LRRTM4: variants seen among roughly 807,000 people sequenced by gnomAD.
LRRTM4 encodes leucine-rich repeat transmembrane neuronal protein 4.
In LRRTM4, 25 loss-of-function variants were observed where a neutral mutation model predicts 47.6. The ratio of observed to expected loss-of-function variants is 0.53; its 90% CI spans 0.38 to 0.73. The LOEUF (loss-of-function observed/expected upper bound fraction) is 0.73, where lower values mean the gene tolerates loss of function less well. LRRTM4 is among the 30% of genes least tolerant of loss of function. LRRTM4 has a pLI of 0.00. For synonymous variants in LRRTM4, 311 were observed against 269.5 expected (o/e 1.15, Z -1.51); for missense variants, 638 against 713.4 (o/e 0.89, Z 1.20).
At chr2:77,167,234 A>C (rs997636777) in intron 3 of LRRTM4, among the ~76,000 whole-genome samples, 1 of 152,244 alleles carries the variant, frequency 6.6e-6, no homozygotes, top group African/African-American at 2.4e-5. Context: ...GACAAATGCA[A>C]ATCAAAACCA....
chr2:77,477,960 A>G (rs1353009111), intron 3 of LRRTM4, among the ~76,000 whole-genome samples: 1 of 146,598 alleles, frequency 6.8e-6, no homozygotes, highest in Non-Finnish European at 1.5e-5. Flanking sequence ...AGAAAGAAAG[A>G]AAGAAAGAAA....
At chr2:77,275,332 C>A (rs752177595) in intron 3 of LRRTM4, among the ~76,000 whole-genome samples, 3 of 151,974 alleles carry the variant, frequency 2.0e-5, no homozygotes, top group Non-Finnish European at 4.4e-5. Flanking sequence ...TTTCTCCCTA[C>A]CTCCAACGTA....
chr2:77,432,056 G>GAGTGAGACTCCATCTCAAAAAA (rs1675398703), intron 3 of LRRTM4, among the ~76,000 whole-genome samples: 1 of 152,142 alleles, frequency 6.6e-6, no homozygotes, highest in Non-Finnish European at 1.5e-5. Flanking sequence ...CCAGGCAACA[G>GAGTGAGACTCCATCTCAAAAAA]AGTGAGACTC....
intron 3 of LRRTM4, among the ~76,000 whole-genome samples, chr2:77,161,306 G>A (rs1425117591): frequency 1.3e-5 from 2 of 152,094 alleles, no homozygotes; most frequent in African/African-American, 4.8e-5. Flanking sequence ...CTGGTATTGT[G>A]ACTCACCTCC....
intron 3 of LRRTM4, among the ~76,000 whole-genome samples, chr2:77,426,805 G>GCA (rs72224838): frequency 0.04 from 5,954 of 147,424 alleles, 200 homozygotes; most frequent in African/African-American, 0.097. Flanking sequence ...AGAGGTGTAT[G>GCA]CACACACACA....
At chr2:77,011,823 T>G (rs1235444252) in intron 3 of LRRTM4, among the ~76,000 whole-genome samples, 1 of 152,082 alleles carries the variant, frequency 6.6e-6, no homozygotes, top group Non-Finnish European at 1.5e-5. Flanking sequence ...AGGATTTTGT[T>G]TCCAGTTCTT....
intron 3 of LRRTM4, among the ~76,000 whole-genome samples, chr2:77,393,177 A>G (rs957202432): frequency 3.3e-5 from 5 of 151,888 alleles, no homozygotes; most frequent in African/African-American, 1.2e-4. Flanking sequence ...CATTCAACAC[A>G]CTTAAAAGAA....
Position 76,906,165 on chromosome 2 carries a change from A to C in LRRTM4, c.1552-157249T>G, listed in dbSNP as rs1281487621. ...CTGATCTCTCAGCAGAAACTCTACAAGTCAGAAGAGACTGGGGGCCAATAT... is the reference window on the plus strand; with the variant it reads ...CTGATCTCTCAGCAGAAACTCTACACGTCAGAAGAGACTGGGGGCCAATAT... On this transcript the variant is annotated intron_variant, in intron 3 of 3. Coordinates refer to ENST00000409884, the MANE Select transcript of LRRTM4 (RefSeq NM_001134745.3). Among the ~76,000 whole-genome samples the C allele has an allele frequency of 2.0e-4, 31 of 152,358 alleles. 1 individual carries two copies. Among genetic ancestry groups the C allele is most frequent in the Non-Finnish European group, 7.3e-5 (5 of 68,030 alleles).
chr2:76,903,918 G>C (rs184375716), intron 3 of LRRTM4, among the ~76,000 whole-genome samples: 6 of 152,252 alleles, frequency 3.9e-5, no homozygotes, highest in Admixed American at 3.9e-4. Context: ...AACAACTTAA[G>C]TGTTTTAGAA....
In LRRTM4 at chr2:77,519,805, G is replaced by A; in HGVS notation, c.64C>T (p.Leu22=). ...MSVVLVLLPT[L]LLVMLTGAQR... Reference sequence around the variant, plus strand: ...GCACCCGTGAGCATAACAAGCAGCAGTGTAGGAAGTAGCACCAGCACCACA... The same window carrying A: ...GCACCCGTGAGCATAACAAGCAGCAATGTAGGAAGTAGCACCAGCACCACA... The change falls in exon 3 of 4, where the codon CTG becomes TTG. Residue 22 remains leucine, a synonymous_variant. Coordinates refer to ENST00000409884, the MANE Select transcript of LRRTM4 (RefSeq NM_001134745.3). The surrounding 1 kb of genome is among the most constrained non-coding windows in gnomAD (Gnocchi z 4.6). 1 of 1,612,968 alleles carries A rather than the reference G, an allele frequency of 6.2e-7. No homozygotes were observed. The highest frequency in any genetic ancestry group is 8.5e-7 in the Non-Finnish European group (1 of 1,179,422).
intron 3 of LRRTM4, among the ~76,000 whole-genome samples, chr2:77,060,976 A>C (rs142239410): frequency 6.6e-6 from 1 of 152,186 alleles, no homozygotes; most frequent in Non-Finnish European, 1.5e-5. Context: ...TTATAAAGTT[A>C]TATCAGTAAA....
chr2:76,786,957 C>A (rs76258903), intron 3 of LRRTM4, among the ~76,000 whole-genome samples: 1 of 151,994 alleles, frequency 6.6e-6, no homozygotes, highest in Admixed American at 6.6e-5. Flanking sequence ...TTGTTAGGCA[C>A]AAAATTTACC....
chr2:76,868,753 C>T (rs1672537188), intron 3 of LRRTM4, among the ~76,000 whole-genome samples: 1 of 152,144 alleles, frequency 6.6e-6, no homozygotes. Flanking sequence ...CATCAAAAAA[C>T]TTAAACTGAG....
intron 3 of LRRTM4, among the ~76,000 whole-genome samples, chr2:77,495,462 A>T (rs1177091036): frequency 6.6e-6 from 1 of 152,018 alleles, no homozygotes; most frequent in Non-Finnish European, 1.5e-5. Flanking sequence ...TATAATAAAT[A>T]CTTGCCTAAC....
intron 3 of LRRTM4, among the ~76,000 whole-genome samples, chr2:77,143,924 C>T (rs1037577699): frequency 1.3e-4 from 20 of 152,184 alleles, no homozygotes; most frequent in African/African-American, 3.4e-4. Context: ...ACACTGTAGT[C>T]ATCACATATA....
intron 3 of LRRTM4, among the ~76,000 whole-genome samples, chr2:76,946,035 A>G (rs1306922991): frequency 3.3e-5 from 5 of 151,814 alleles, no homozygotes; most frequent in Non-Finnish European, 5.9e-5. Flanking sequence ...TCACTAAAGT[A>G]TAGCATTTTG....
chr2:76,970,592 AAAT>A, intron 3 of LRRTM4, among the ~76,000 whole-genome samples: 1 of 152,082 alleles, frequency 6.6e-6, no homozygotes, highest in Non-Finnish European at 1.5e-5. Flanking sequence ...AACCCCTGAG[AAAT>A]AATTGGCTTG....
chr2:77,435,977 C>G (rs530205983), intron 3 of LRRTM4, among the ~76,000 whole-genome samples: 2 of 152,046 alleles, frequency 1.3e-5, no homozygotes, highest in African/African-American at 4.8e-5. Context: ...TTCATTTCTT[C>G]GTTCAGTTTT....
chr2:76,814,241 G>A (rs1432589591), intron 3 of LRRTM4, among the ~76,000 whole-genome samples: 1 of 151,980 alleles, frequency 6.6e-6, no homozygotes, highest in African/African-American at 2.4e-5. Context: ...TATATAATAA[G>A]ATATAAAGAA....
Sources: allele counts gnomAD v4.1 joint callset (sites outside exome capture counted in the v4.1 genomes callset), GRCh38; gene constraint gnomAD v4.1.1; non-coding constraint Gnocchi (gnomAD v3.1); transcripts MANE v1.5; gene names NCBI Gene and HGNC (gene_info 2026-07-23, HGNC 2026-07-21).